The following IMMP1L variants were observed in gnomAD, a reference collection of about 807,000 sequenced individuals.
IMMP1L encodes inner mitochondrial membrane peptidase subunit 1.
IMMP1L carries 24 observed loss-of-function variants against 21.8 expected under a neutral mutation model. The observed-to-expected ratio is 1.10, with a 90% CI of 0.80 to 1.55. IMMP1L has a LOEUF of 1.55. Ranked by LOEUF, IMMP1L falls within the 40% of genes most tolerant of loss-of-function variation. The pLI is 0.00. For synonymous variants in IMMP1L, 46 were observed against 62.8 expected (o/e 0.73, Z 1.26); for missense variants, 195 against 200.7 (o/e 0.97, Z 0.17).
At chr11:31,479,550 T>C (rs1954823105) in intron 1 of IMMP1L, among the ~76,000 whole-genome samples, 1 of 152,062 alleles carries the variant, frequency 6.6e-6, no homozygotes, top group Non-Finnish European at 1.5e-5. Context: ...AGAACTATAC[T>C]GTTCAATAAG....
At chr11:31,448,114 GC>G (rs1369136786) in intron 4 of IMMP1L, among the ~76,000 whole-genome samples, 1 of 152,094 alleles carries the variant, frequency 6.6e-6, no homozygotes, top group Non-Finnish European at 1.5e-5. Context: ...TTCGAGACCA[GC>G]CTGCCCAATA....
chr11:31,487,171 C>T (rs1479223780), intron 1 of IMMP1L, among the ~76,000 whole-genome samples: 1 of 151,774 alleles, frequency 6.6e-6, no homozygotes, highest in Non-Finnish European at 1.5e-5. Context: ...CAACAATTTC[C>T]TTGATCTACA....
chr11:31,482,242 T>G (rs141057095), intron 1 of IMMP1L, among the ~76,000 whole-genome samples: 1,587 of 152,112 alleles, frequency 0.01, 68 homozygotes, highest in Admixed American at 0.083. Context: ...AAATTTTAAA[T>G]CTAAAGGTAA....
At chr11:31,441,079 A>G (rs995501733) in intron 4 of IMMP1L, among the ~76,000 whole-genome samples, 5 of 152,226 alleles carry the variant, frequency 3.3e-5, no homozygotes, top group East Asian at 1.9e-4. Flanking sequence ...GGCAATGTGT[A>G]TAACTGTAAA....
Position 31,433,542 on chromosome 11 carries a change from C to A in IMMP1L, c.350G>T (p.Gly117Val). 1.2e-6 allele frequency: 2 copies of A among 1,611,570 alleles called. No homozygotes were observed. The highest frequency in any genetic ancestry group is 1.7e-6 in the Non-Finnish European group (2 of 1,178,548). Residue 117 changes from glycine to valine, a missense_variant, in exon 5 of 6, where the codon GGT (glycine) becomes GTT (valine). Transcript: ENST00000532287. The stretch of plus-strand genomic sequence containing the variant: ...ATCTGTAGAATTCTGTAGATTGTCA[C>A]CTTCTAACCAAACATGACCCATTGG... ...YVPMGHVWLE[G>V]DNLQNSTDSR...
At chr11:31,459,262 G>A (rs61879931) in intron 3 of IMMP1L, among the ~76,000 whole-genome samples, 4,939 of 152,260 alleles carry the variant, frequency 0.032, 128 homozygotes, top group Non-Finnish European at 0.047. Flanking sequence ...CAGTAAATGT[G>A]AAGAAATGTA....
chr11:31,489,467 T>C (rs1205106376), intron 1 of IMMP1L, among the ~76,000 whole-genome samples: 2 of 152,190 alleles, frequency 1.3e-5, no homozygotes, highest in African/African-American at 2.4e-5. Flanking sequence ...GCGAATGATA[T>C]AAAGAATACG....
chr11:31,491,209 C>T (rs1955243775), intron 1 of IMMP1L, among the ~76,000 whole-genome samples: 1 of 152,052 alleles, frequency 6.6e-6, no homozygotes, highest in African/African-American at 2.4e-5. Flanking sequence ...ACAGAAAAAG[C>T]CTAGGTTGCC....
intron 1 of IMMP1L, among the ~76,000 whole-genome samples, chr11:31,468,121 T>C (rs1437256881): frequency 6.6e-6 from 1 of 152,026 alleles, no homozygotes; most frequent in African/African-American, 2.4e-5. Context: ...AAACACAATA[T>C]GAAATCTTGA....
chr11:31,482,503 A>G (rs996881997), intron 1 of IMMP1L, among the ~76,000 whole-genome samples: 1 of 152,044 alleles, frequency 6.6e-6, no homozygotes, highest in Non-Finnish European at 1.5e-5. Flanking sequence ...CCCACAAATC[A>G]AAGGAAATGA....
In IMMP1L at chr11:31,463,203, C is replaced by T; in HGVS notation, c.74G>A (p.Cys25Tyr). The change falls in exon 2 of 6, where the codon TGT becomes TAT. Residue 25 changes from cysteine to tyrosine, a missense_variant. Physicochemically the swap from Cys to Tyr is radical, Grantham distance 194. Transcript: ENST00000532287. ...YTIQYGCIAH[C>Y]AFEYVGGVVM... Reference sequence around the variant, plus strand: ...AACACCACCAACGTATTCAAAAGCACAATGAGCTATACAGCCATATTGAAT... The same window carrying T: ...AACACCACCAACGTATTCAAAAGCATAATGAGCTATACAGCCATATTGAAT... 6.2e-7 allele frequency: 1 copy of T among 1,610,550 alleles called. No individual in the cohort carries two copies.
chr11:31,493,279 A>T (rs1421416117), intron 1 of IMMP1L, among the ~76,000 whole-genome samples: 2 of 152,146 alleles, frequency 1.3e-5, no homozygotes, highest in African/African-American at 4.8e-5. Context: ...TCATGGTGGA[A>T]GGAGAAGCAA....
Position 31,432,578 on chromosome 11 carries a change from C to CAAA in IMMP1L, c.433-13_433-11dup, listed in dbSNP as rs1251867642. ...CACTCAGAGGCCAAATCTGTAAAAT[C>CAAA]AAAATGAGGTTGAAGACAATTAGTG... On this transcript the variant is annotated splice_polypyrimidine_tract_variant and intron_variant, in intron 5 of 5. Transcript: ENST00000532287. The CAAA allele has an allele frequency of 1.3e-6, 2 of 1,596,950 alleles. No homozygotes were observed. Among genetic ancestry groups the CAAA allele is most frequent in the African/African-American group, 2.7e-5 (2 of 74,532 alleles).
chr11:31,487,117 A>G, intron 1 of IMMP1L, among the ~76,000 whole-genome samples: 1 of 151,786 alleles, frequency 6.6e-6, no homozygotes. Context: ...TTCTAAAATA[A>G]TACTAATATA....
At chr11:31,470,117 T>C (rs776569677) in intron 1 of IMMP1L, among the ~76,000 whole-genome samples, 46 of 152,272 alleles carry the variant, frequency 3.0e-4, no homozygotes, top group African/African-American at 1.0e-3. Context: ...TGTTATCAGA[T>C]AGAATTTGGC....
rs1953274040 is a variant in IMMP1L, at chr11:31,440,204, C to T, written c.322-6634G>A. Among the ~76,000 whole-genome samples, 4 of 152,088 alleles carry T rather than the reference C, an allele frequency of 2.6e-5. No individual in the cohort carries two copies. In the South Asian group the frequency reaches 8.3e-4, roughly 31 times the overall value. On this transcript the variant is annotated intron_variant, in intron 4 of 5. Transcript: ENST00000532287. ...AACTGCTTTAAGACAGAAGTTGGGGCAAGTACAGGCTTATTTTGTTTCCTT... is the reference window on the plus strand; with the variant it reads ...AACTGCTTTAAGACAGAAGTTGGGGTAAGTACAGGCTTATTTTGTTTCCTT...
At chr11:31,460,594 G>T in intron 3 of IMMP1L, 32 bp downstream of exon 3, 1 of 1,368,038 alleles carries the variant, frequency 7.3e-7, no homozygotes, top group Non-Finnish European at 1.0e-6. Flanking sequence ...TATTTTCACT[G>T]TAAATTTAAT....
chr11:31,468,283 A>G (rs1286850905), intron 1 of IMMP1L, among the ~76,000 whole-genome samples: 1 of 152,166 alleles, frequency 6.6e-6, no homozygotes, highest in Non-Finnish European at 1.5e-5. Flanking sequence ...TTCATAGGAG[A>G]TAAACAAGGA....
At chr11:31,487,613 A>C (rs1352277834) in intron 1 of IMMP1L, among the ~76,000 whole-genome samples, 1 of 152,164 alleles carries the variant, frequency 6.6e-6, no homozygotes, top group Admixed American at 6.5e-5. Context: ...TAGTTATACA[A>C]TGTCTAATGT....
Sources: allele counts gnomAD v4.1 joint callset (sites outside exome capture counted in the v4.1 genomes callset), GRCh38; gene constraint gnomAD v4.1.1; transcripts MANE v1.5; gene names NCBI Gene and HGNC (gene_info 2026-07-23, HGNC 2026-07-21).